Variants in VWA8 observed in about 807,000 individuals in gnomAD.
The protein encoded by VWA8 is von Willebrand factor A domain containing 8.
VWA8 carries 221 observed loss-of-function variants against 241.5 expected under a neutral mutation model. That is an observed-to-expected ratio of 0.91 (90% CI 0.82 to 1.02). The LOEUF is 1.02. VWA8 is among the 50% of genes least tolerant of loss of function. VWA8 has a pLI of 0.00. For synonymous variants in VWA8, 852 were observed against 827.1 expected, an observed-to-expected ratio of 1.03 and a Z score of -0.52; for missense variants, 2,322 against 2,328.7, an observed-to-expected ratio of 1.00 and a Z score of 0.06.
chr13:41,960,728 G>T, intron 1 of VWA8, 125 bp downstream of exon 1: 1 of 1,327,176 alleles, frequency 7.5e-7, no homozygotes, highest in Non-Finnish European at 9.8e-7. Flanking sequence ...CAATCTTTCA[G>T]CTCCCCGCTC....
At chr13:41,821,331 A>G (rs1331654211) in intron 14 of VWA8, among the ~76,000 whole-genome samples, 1 of 152,182 alleles carries the variant, frequency 6.6e-6, no homozygotes, top group Non-Finnish European at 1.5e-5. Flanking sequence ...AATGATTATA[A>G]AAACAGTCAC....
Position 41,567,982 on chromosome 13 carries a change from T to C in VWA8, c.*215A>G. The C allele has an allele frequency of 1.9e-6, 1 of 533,800 alleles. No homozygotes were observed. Among genetic ancestry groups the C allele is most frequent in the Non-Finnish European group, 3.3e-6 (1 of 302,030 alleles). The allele number at this position is 533,800 out of a possible 1,614,324, so 33.1% of individuals were successfully genotyped here. ...TCAACTAGCTTGCCCTAATCACTTC[T>C]AAACTCATCAGTGGAGTATCTTTCC... is the stretch of plus-strand genomic sequence containing the variant. On this transcript the variant is annotated 3_prime_UTR_variant, in exon 45 of 45. Transcript: ENST00000379310.
intron 18 of VWA8, among the ~76,000 whole-genome samples, chr13:41,786,744 C>T (rs1869207592): frequency 6.6e-6 from 1 of 152,026 alleles, no homozygotes; most frequent in Non-Finnish European, 1.5e-5. Context: ...GCATCTGCTA[C>T]AAAGAAAGCC....
At chr13:41,634,239 C>T (rs1276085470) in intron 37 of VWA8, among the ~76,000 whole-genome samples, 4 of 152,114 alleles carry the variant, frequency 2.6e-5, no homozygotes, top group African/African-American at 9.7e-5. Context: ...CCTTGGTGTC[C>T]TCCAGAGCCT....
intron 44 of VWA8, 152 bp downstream of exon 44, chr13:41,570,316 G>C: frequency 1.7e-6 from 1 of 596,354 alleles, no homozygotes; most frequent in Non-Finnish European, 2.9e-6. Flanking sequence ...CCCTCAACTA[G>C]ATTATAAACC....
At chr13:41,878,756 A>C (rs1220604249) in intron 9 of VWA8, among the ~76,000 whole-genome samples, 7 of 152,200 alleles carry the variant, frequency 4.6e-5, no homozygotes. Context: ...TTATGGTTAA[A>C]ATAAAGACCA....
chr13:41,947,475 G>A (rs1474594528), intron 2 of VWA8, among the ~76,000 whole-genome samples: 1 of 152,200 alleles, frequency 6.6e-6, no homozygotes, highest in African/African-American at 2.4e-5. Context: ...ATGATTGCAA[G>A]TCATTAGGGA....
At chr13:41,855,391 T>A (rs987011529) in intron 12 of VWA8, among the ~76,000 whole-genome samples, 8 of 145,708 alleles carry the variant, frequency 5.5e-5, no homozygotes, top group Non-Finnish European at 1.2e-4. Flanking sequence ...TATATTTATA[T>A]ATAAATATAT....
chr13:41,671,386 T>TAA (rs999961761), intron 36 of VWA8, among the ~76,000 whole-genome samples: 1 of 150,810 alleles, frequency 6.6e-6, no homozygotes, highest in Admixed American at 6.6e-5. Flanking sequence ...ATCATGAATA[T>TAA]AAAAAAAAAC....
intron 37 of VWA8, among the ~76,000 whole-genome samples, chr13:41,631,599 G>T (rs1288866981): frequency 1.3e-5 from 2 of 152,096 alleles, no homozygotes; most frequent in African/African-American, 4.8e-5. Context: ...CAAAGCAACT[G>T]CTCATTTTAC....
intron 40 of VWA8, among the ~76,000 whole-genome samples, chr13:41,602,455 T>C (rs1180652088): frequency 6.6e-6 from 1 of 152,116 alleles, no homozygotes; most frequent in Non-Finnish European, 1.5e-5. Context: ...GGGCAAAAGA[T>C]GGCAAAAATG....
At position 41,721,380 on chromosome 13, in the gene VWA8, T is replaced by A. The variant is rs1177088012; in HGVS notation, c.2954A>T (p.Lys985Ile). 1 of 1,613,694 alleles carries A rather than the reference T, an allele frequency of 6.2e-7. No individual in the cohort carries two copies. Among genetic ancestry groups the A allele is most frequent in the Non-Finnish European group, 8.5e-7 (1 of 1,179,740 alleles). The change falls in exon 25 of 45, where the codon AAA (lysine) becomes ATA (isoleucine). Residue 985 changes from lysine (K) to isoleucine (I), a missense_variant. Lys to Ile is a moderately radical substitution (Grantham distance 102). Transcript: ENST00000379310. ...YSTREVVNIVKHLQKFPTEGL... is the reference protein window; with the variant it reads ...YSTREVVNIVIHLQKFPTEGL... ...GTGTGCCATACCTACCTGTAAATGT[T>A]TGACTATGTTGACAACTTCTCTGGT...
At chr13:41,705,273 G>T (rs2045275629) in intron 26 of VWA8, among the ~76,000 whole-genome samples, 1 of 150,452 alleles carries the variant, frequency 6.6e-6, no homozygotes, top group African/African-American at 2.5e-5. Flanking sequence ...CTTTTTACCA[G>T]GAAAGAATGT....
intron 37 of VWA8, among the ~76,000 whole-genome samples, chr13:41,659,919 T>C (rs557758124): frequency 6.6e-6 from 1 of 152,330 alleles, no homozygotes; most frequent in Admixed American, 6.5e-5. Context: ...ATTTAACATA[T>C]GCTATTTGTC....
Position 41,620,410 on chromosome 13 carries a change from C to T in VWA8, c.4612-5326G>A, listed in dbSNP as rs1214481852. Among the ~76,000 whole-genome samples the T allele has an allele frequency of 2.0e-5, 3 of 151,796 alleles. No homozygotes were observed. The East Asian group carries it at 5.8e-4, about 29-fold the overall frequency. ...GGTCTATCTATTCTGTTGATCTTTT[C>T]AAAAAACCAGCTCCTGGATTCATTG... On this transcript the variant is annotated intron_variant, in intron 37 of 44. Coordinates refer to ENST00000379310, the MANE Select transcript of VWA8 (RefSeq NM_015058.2).
chr13:41,685,259 G>C lies in VWA8; in HGVS notation c.4132-17C>G. The C allele has an allele frequency of 6.2e-7, 1 of 1,607,026 alleles. No homozygotes were observed. The highest frequency in any genetic ancestry group is 8.5e-7 in the Non-Finnish European group (1 of 1,177,240). Reference sequence around the variant, plus strand: ...ACTGGGTGACTGAAAAAAAGAAAGAGATTAAAGTACTGAAGTACCATATAC... The same window carrying C: ...ACTGGGTGACTGAAAAAAAGAAAGACATTAAAGTACTGAAGTACCATATAC... On this transcript the variant is annotated splice_polypyrimidine_tract_variant and intron_variant, in intron 34 of 44. Coordinates refer to ENST00000379310, the MANE Select transcript of VWA8 (RefSeq NM_015058.2).
At chr13:41,836,850 T>C (rs771907930) in intron 12 of VWA8, among the ~76,000 whole-genome samples, 1 of 152,198 alleles carries the variant, frequency 6.6e-6, no homozygotes, top group Non-Finnish European at 1.5e-5. Flanking sequence ...CCGCTATAAA[T>C]GCCAACCAAA....
intron 15 of VWA8, among the ~76,000 whole-genome samples, chr13:41,818,174 C>A (rs978418190): frequency 6.6e-6 from 1 of 151,294 alleles, no homozygotes; most frequent in Admixed American, 6.6e-5. Context: ...TGTTGGCCAG[C>A]CTGGTCTCGA....
chr13:41,616,284 T>C (rs766548871), intron 37 of VWA8, among the ~76,000 whole-genome samples: 10 of 152,184 alleles, frequency 6.6e-5, no homozygotes, highest in Non-Finnish European at 1.5e-5. Context: ...TGTTATGACA[T>C]CGTAGGGATT....
Sources: gnomAD v4.1 joint callset for allele counts (sites outside exome capture counted in the v4.1 genomes callset) on GRCh38, gnomAD v4.1.1 for gene constraint, MANE v1.5 for transcripts, NCBI Gene and HGNC (gene_info 2026-07-23, HGNC 2026-07-21) for gene names.